Variants in ROBO2 observed in about 807,000 individuals in gnomAD.
ROBO2 encodes the protein roundabout guidance receptor 2, also known as roundabout homolog 2.
ROBO2 carries 53 observed loss-of-function variants against 160.8 expected under a neutral mutation model. The ratio of observed to expected loss-of-function variants is 0.33; its 90% CI spans 0.26 to 0.41. The LOEUF (loss-of-function observed/expected upper bound fraction) is 0.41, where lower values mean the gene tolerates loss of function less well. Ranked by LOEUF, ROBO2 falls within the 10% of genes least tolerant of loss-of-function variation. The pLI, the probability that ROBO2 is intolerant of heterozygous loss-of-function variation, is 1.00. For synonymous variants in ROBO2, 664 were observed against 611.7 expected (o/e 1.09, Z -1.26); for missense variants, 1,577 against 1,722.4 (o/e 0.92, Z 1.49).
chr3:77,513,656 G>A (rs6548514), intron 5 of ROBO2, among the ~76,000 whole-genome samples: 120,432 of 151,720 alleles, frequency 0.79, 48,558 homozygotes, highest in African/African-American at 0.94. Flanking sequence ...TGTTTTGTTT[G>A]TTATTCAGCT....
chr3:76,568,725 A>C (rs1176004458), intron 2 of ROBO2, among the ~76,000 whole-genome samples: 1 of 152,166 alleles, frequency 6.6e-6, no homozygotes, highest in Non-Finnish European at 1.5e-5. Context: ...AGAATCTGTG[A>C]GATATATTGT....
chr3:76,073,901 C>T (rs1273560848), intron 2 of ROBO2, among the ~76,000 whole-genome samples: 2 of 151,816 alleles, frequency 1.3e-5, no homozygotes, highest in African/African-American at 2.4e-5. Flanking sequence ...CTTGAGCTTG[C>T]CCTCCAATAT....
rs576080405 is a variant in ROBO2 at position 77,421,869 on chromosome 3, A to C, written c.389-55545A>C. ...AATTATATCAGCCTGAAATAATTTT[A>C]AGTTTAAAAAACAAGATCTGCTGTC... On this transcript the variant is annotated intron_variant, in intron 2 of 25. Coordinates refer to ENST00000461745, the Ensembl canonical transcript of ROBO2. Among the ~76,000 whole-genome samples, 4 of 152,292 alleles carry C rather than the reference A, an allele frequency of 2.6e-5. No homozygotes were observed. The South Asian group carries it at 6.2e-4, about 24-fold the overall frequency.
chr3:77,477,520 C>A, exon 3 of ROBO2: 2 of 1,613,948 alleles, frequency 1.2e-6, no homozygotes, highest in Non-Finnish European at 1.7e-6. Flanking sequence ...AACCCACCAT[C>A]TACTGGAAAA....
chr3:77,607,678 C>CT (rs2094551312), intron 20 of ROBO2, 120 bp from the exon 22 acceptor site: 1 of 879,702 alleles, frequency 1.1e-6, no homozygotes, highest in African/African-American at 1.7e-5. Context: ...TTGTTTATAG[C>CT]TTTTAACAAC....
chr3:77,106,464 T>C (rs2150139928), intron 2 of ROBO2, among the ~76,000 whole-genome samples: 1 of 152,320 alleles, frequency 6.6e-6, no homozygotes, highest in South Asian at 2.1e-4. Context: ...GTAACTCATA[T>C]GCTTTTCTCC....
At position 76,510,347 on chromosome 3, in the gene ROBO2, G is replaced by A. The variant is rs146137166; in HGVS notation, c.109+572745G>A. 2.9e-3 allele frequency among the ~76,000 whole-genome samples: 449 copies of A among 152,318 alleles called. 6 individuals carry two copies. Among genetic ancestry groups the A allele is most frequent in the African/African-American group, 9.4e-3 (389 of 41,572 alleles). On this transcript the variant is annotated intron_variant, in intron 2 of 26. Transcript: ENST00000487694. ...GAAATGTCTTATAGAAAAGCATGGC[G>A]TTAGAGTGACCACCATATACAACCT...
chr3:76,277,576 C>G (rs773296429), intron 2 of ROBO2, among the ~76,000 whole-genome samples: 1 of 151,842 alleles, frequency 6.6e-6, no homozygotes. Context: ...ATTGTTAACA[C>G]TAGAAAATAT....
intron 2 of ROBO2, among the ~76,000 whole-genome samples, chr3:76,176,216 C>T (rs1295422504): frequency 6.6e-6 from 1 of 152,076 alleles, no homozygotes; most frequent in Non-Finnish European, 1.5e-5. Flanking sequence ...GCAAGCCCAT[C>T]TTTGTCACCA....
chr3:76,885,212 A>G (rs976767303), intron 2 of ROBO2, among the ~76,000 whole-genome samples: 9 of 152,270 alleles, frequency 5.9e-5, no homozygotes, highest in African/African-American at 1.9e-4. Flanking sequence ...TCTGTGGGTA[A>G]TTTTACTGTC....
At chr3:76,718,113 T>G (rs1187140392) in intron 2 of ROBO2, among the ~76,000 whole-genome samples, 1 of 152,174 alleles carries the variant, frequency 6.6e-6, no homozygotes, top group African/African-American at 2.4e-5. Context: ...ACGATGTGTA[T>G]AAGTGTCTAC....
rs571487093 is a variant in ROBO2, at chr3:76,137,831, A to T, written c.109+200229A>T. Among the ~76,000 whole-genome samples the T allele has an allele frequency of 4.0e-5, 6 of 151,884 alleles. No individual in the cohort carries two copies. In the East Asian group the frequency reaches 7.7e-4, roughly 20 times the overall value. On this transcript the variant is annotated intron_variant, in intron 2 of 26. Transcript: ENST00000487694. ...TGTATCTCTCTAATTCTTCTGTTTT[A>T]TATATATATATTTTTCTAACCAAAC...
chr3:76,746,097 T>C (rs1434473212), intron 2 of ROBO2, among the ~76,000 whole-genome samples: 1 of 151,156 alleles, frequency 6.6e-6, no homozygotes, highest in Non-Finnish European at 1.5e-5. Flanking sequence ...GGTTTTTTGT[T>C]CTTGCGATAG....
chr3:77,645,079 A>G (rs2095399133), intron 25 of ROBO2, among the ~76,000 whole-genome samples, 175 bp downstream of exon 27: 1 of 152,238 alleles, frequency 6.6e-6, no homozygotes, highest in Admixed American at 6.5e-5. Context: ...TATTTATTGA[A>G]GTCCATTTTT....
At chr3:76,109,068 C>T (rs539318432) in intron 2 of ROBO2, among the ~76,000 whole-genome samples, 2 of 151,854 alleles carry the variant, frequency 1.3e-5, no homozygotes, top group Non-Finnish European at 2.9e-5. Flanking sequence ...ATTAATAATG[C>T]TGCTACTGGT....
Position 76,022,526 on chromosome 3 carries a change from G to C in ROBO2, c.109+84924G>C, listed in dbSNP as rs531639538. Among the ~76,000 whole-genome samples, 148 of 151,812 alleles carry C rather than the reference G, an allele frequency of 9.7e-4. 1 individual carries two copies. The highest frequency in any genetic ancestry group is 3.4e-3 in the African/African-American group (143 of 41,496). On this transcript the variant is annotated intron_variant, in intron 2 of 26. Transcript: ENST00000487694. ...GCTACAGAATGGATGTTGTGTTAAC[G>C]AGCATAAACACATTAATATCATTGT...
At chr3:76,745,248 T>TAAAATAGTTAC (rs1179430835) in intron 2 of ROBO2, among the ~76,000 whole-genome samples, 1 of 152,186 alleles carries the variant, frequency 6.6e-6, no homozygotes, top group East Asian at 1.9e-4. Context: ...TAAAAAAGTA[T>TAAAATAGTTAC]AAAATAGTTA....
intron 2 of ROBO2, among the ~76,000 whole-genome samples, chr3:77,346,091 G>T (rs2067603995): frequency 6.6e-6 from 1 of 152,004 alleles, no homozygotes; most frequent in Non-Finnish European, 1.5e-5. Context: ...ATGATATATT[G>T]CTTGCAACCA....
At chr3:77,292,882 T>G (rs1276419049) in intron 2 of ROBO2, among the ~76,000 whole-genome samples, 1 of 147,204 alleles carries the variant, frequency 6.8e-6, no homozygotes, top group Non-Finnish European at 1.5e-5. Context: ...AAAGTAAAAT[T>G]GACGATTAAA....
Sources: gnomAD v4.1 joint callset for allele counts (sites outside exome capture counted in the v4.1 genomes callset) on GRCh38, gnomAD v4.1.1 for gene constraint, MANE v1.5 for transcripts, NCBI Gene and HGNC (gene_info 2026-07-23, HGNC 2026-07-21) for gene names.